Variants in PTPRM observed in about 807,000 individuals in gnomAD.
PTPRM encodes the protein receptor-type tyrosine-protein phosphatase mu.
PTPRM carries 47 observed loss-of-function variants against 186.7 expected under a neutral mutation model. The ratio of observed to expected loss-of-function variants is 0.25; its 90% CI spans 0.20 to 0.32. PTPRM has a LOEUF of 0.32. Ranked by LOEUF, PTPRM falls within the 10% of genes least tolerant of loss-of-function variation. PTPRM has a pLI of 1.00. For missense variants in PTPRM, 1,494 were observed against 1,865.0 expected (o/e 0.80, Z 3.66); for synonymous variants, 668 against 674.9 (o/e 0.99, Z 0.16).
chr18:8,225,507 A>G (rs1380518322), intron 14 of PTPRM, among the ~76,000 whole-genome samples: 3 of 152,186 alleles, frequency 2.0e-5, no homozygotes, highest in African/African-American at 7.2e-5. Flanking sequence ...TCTCTAATAA[A>G]CCCTGGTTTC....
intron 23 of PTPRM, among the ~76,000 whole-genome samples, chr18:8,349,084 C>A (rs1385745120): frequency 6.6e-6 from 1 of 152,140 alleles, no homozygotes; most frequent in Non-Finnish European, 1.5e-5. Flanking sequence ...CACTAGACGT[C>A]AGAACTAACA....
Position 8,376,553 on chromosome 18 carries a change from G to A in PTPRM, c.3418G>A (p.Val1140Ile), listed in dbSNP as rs761396528. 44 of 1,613,830 alleles carry A rather than the reference G, an allele frequency of 2.7e-5. No homozygotes were observed. Among genetic ancestry groups the A allele is most frequent in the African/African-American group, 5.3e-5 (4 of 74,880 alleles). ...REGVVDIYNC[V>I]RELRSRRVNM... Reference sequence around the variant, plus strand: ...AGGGGTCGTAGACATCTACAACTGCGTCAGGGAGCTGCGGTCACGGAGGGT... The same window carrying A: ...AGGGGTCGTAGACATCTACAACTGCATCAGGGAGCTGCGGTCACGGAGGGT... Residue 1140 changes from valine (V) to isoleucine (I), a missense_variant, in exon 26 of 33, where the codon GTC becomes ATC. Transcript: ENST00000580170.
chr18:8,234,601 T>C (rs933741569), intron 14 of PTPRM, among the ~76,000 whole-genome samples: 4 of 152,182 alleles, frequency 2.6e-5, no homozygotes, highest in Non-Finnish European at 5.9e-5. Context: ...ATTAGCTAAC[T>C]GAGACTTCCA....
At chr18:8,204,970 A>G (rs2093908422) in intron 14 of PTPRM, among the ~76,000 whole-genome samples, 1 of 152,098 alleles carries the variant, frequency 6.6e-6, no homozygotes, top group African/African-American at 2.4e-5. Flanking sequence ...ATGATATTTT[A>G]CTGGTTAAGT....
At chr18:8,135,541 T>C (rs2092618059) in intron 13 of PTPRM, among the ~76,000 whole-genome samples, 1 of 152,194 alleles carries the variant, frequency 6.6e-6, no homozygotes, top group Admixed American at 6.5e-5. Flanking sequence ...CTCCAAATGA[T>C]TCTTCACCCA....
rs116818404 is a variant in PTPRM, at chr18:7,902,656, C to T, written c.469-3849C>T. Among the ~76,000 whole-genome samples the T allele has an allele frequency of 1.9e-3, 294 of 152,248 alleles. 1 individual carries two copies. Among genetic ancestry groups the T allele is most frequent in the African/African-American group, 6.8e-3 (284 of 41,552 alleles). On this transcript the variant is annotated intron_variant, in intron 3 of 32. Transcript: ENST00000580170. ...TAACTAAAGCTTACTTTTTATAAAA[C>T]TGTCTGCATTGCTTAGATCTTCCAA...
chr18:8,209,469 A>G (rs1332696641), intron 14 of PTPRM, among the ~76,000 whole-genome samples: 1 of 152,170 alleles, frequency 6.6e-6, no homozygotes, highest in Non-Finnish European at 1.5e-5. Flanking sequence ...TGAGAAGGAA[A>G]CTACAGGAAA....
intron 22 of PTPRM, among the ~76,000 whole-genome samples, chr18:8,339,344 C>T (rs1030037268): frequency 6.6e-6 from 1 of 152,044 alleles, no homozygotes; most frequent in African/African-American, 2.4e-5. Context: ...TAGATGTTAC[C>T]TTTCAGATTT....
At chr18:7,644,126 T>C (rs1443067347) in intron 1 of PTPRM, among the ~76,000 whole-genome samples, 1 of 152,154 alleles carries the variant, frequency 6.6e-6, no homozygotes, top group African/African-American at 2.4e-5. Context: ...ATGCCATAAA[T>C]AGAATATTTT....
At chr18:8,392,441 G>A (rs186485716) in intron 31 of PTPRM, among the ~76,000 whole-genome samples, 24 of 152,152 alleles carry the variant, frequency 1.6e-4, no homozygotes, top group Non-Finnish European at 2.6e-4. Context: ...TGGCTAACAC[G>A]GTGAAACCCC....
chr18:8,374,512 A>G (rs1430924188), intron 24 of PTPRM, among the ~76,000 whole-genome samples: 5 of 152,248 alleles, frequency 3.3e-5, no homozygotes, highest in African/African-American at 1.2e-4. Context: ...TTTGAGGGTG[A>G]CACAGCCTCA....
intron 20 of PTPRM, among the ~76,000 whole-genome samples, chr18:8,303,986 T>C (rs865987457): frequency 6.6e-6 from 1 of 152,208 alleles, no homozygotes; most frequent in Non-Finnish European, 1.5e-5. Context: ...CAGAAATCAA[T>C]TGTAATTAAA....
intron 1 of PTPRM, among the ~76,000 whole-genome samples, chr18:7,715,005 T>TA (rs1319397894): frequency 6.6e-6 from 1 of 152,238 alleles, no homozygotes; most frequent in East Asian, 1.9e-4. Context: ...TAACTCATTT[T>TA]ATGAGGCCAA....
intron 32 of PTPRM, among the ~76,000 whole-genome samples, chr18:8,399,064 T>C (rs1468886291): frequency 6.6e-6 from 1 of 152,224 alleles, no homozygotes; most frequent in African/African-American, 2.4e-5. Context: ...AATTGGCTTG[T>C]ATTAGTGACC....
chr18:8,034,001 T>C (rs1017415185), intron 7 of PTPRM, among the ~76,000 whole-genome samples: 1 of 152,172 alleles, frequency 6.6e-6, no homozygotes, highest in Admixed American at 6.5e-5. Flanking sequence ...TCTGCCTCCA[T>C]CTTCATGTGG....
At chr18:8,223,666 T>C (rs149522517) in intron 14 of PTPRM, among the ~76,000 whole-genome samples, 3 of 152,294 alleles carry the variant, frequency 2.0e-5, no homozygotes, top group Admixed American at 6.5e-5. Flanking sequence ...TGCTTTGGGC[T>C]CAGTTTTGCT....
chr18:7,716,383 C>G (rs1239352640), intron 1 of PTPRM, among the ~76,000 whole-genome samples: 1 of 152,044 alleles, frequency 6.6e-6, no homozygotes, highest in Non-Finnish European at 1.5e-5. Flanking sequence ...CCATAAAAAC[C>G]CTAGAGGAAA....
At chr18:8,056,794 G>A (rs1315181712) in intron 7 of PTPRM, among the ~76,000 whole-genome samples, 1 of 148,536 alleles carries the variant, frequency 6.7e-6, no homozygotes, top group Non-Finnish European at 1.5e-5. Context: ...TTTTTCTTTT[G>A]GAGAGAAGTT....
At chr18:7,820,334 A>T (rs1302912214) in intron 2 of PTPRM, among the ~76,000 whole-genome samples, 1 of 152,178 alleles carries the variant, frequency 6.6e-6, no homozygotes, top group Admixed American at 6.5e-5. Context: ...TCAATTAAAT[A>T]ACTAGGTTCA....
Sources: gnomAD v4.1 joint callset for allele counts (sites outside exome capture counted in the v4.1 genomes callset) on GRCh38, gnomAD v4.1.1 for gene constraint, MANE v1.5 for transcripts, NCBI Gene and HGNC (gene_info 2026-07-23, HGNC 2026-07-21) for gene names.